CDC14A: variants seen among roughly 807,000 people sequenced by gnomAD.
CDC14A encodes the protein cell division cycle 14A, also known as dual specificity protein phosphatase CDC14A.
In CDC14A, 53 loss-of-function variants were observed where a neutral mutation model predicts 74.4. The ratio of observed to expected loss-of-function variants is 0.71; its 90% CI spans 0.57 to 0.89. The LOEUF (loss-of-function observed/expected upper bound fraction) is 0.89, where lower values mean the gene tolerates loss of function less well. Among genes scored for constraint, CDC14A ranks in the 40% least tolerant of loss-of-function variants. The pLI is 0.00. For synonymous variants in CDC14A, 247 were observed against 258.4 expected, an observed-to-expected ratio of 0.96 and a Z score of 0.43; for missense variants, 646 against 713.7, an observed-to-expected ratio of 0.91 and a Z score of 1.08.
At chr1:100,432,698 A>T (rs901007446) in intron 5 of CDC14A, among the ~76,000 whole-genome samples, 3 of 152,216 alleles carry the variant, frequency 2.0e-5, no homozygotes, top group Non-Finnish European at 2.9e-5. Flanking sequence ...GATATATTGG[A>T]TGAGCAAAAT....
chr1:100,352,374 T>G (rs1570928909), upstream of CDC14A: 12 of 768,932 alleles, frequency 1.6e-5, no homozygotes, highest in South Asian at 4.4e-4. Context: ...GCTGTCCCTT[T>G]AAGGGATGGC....
chr1:100,504,681 G>C lies in CDC14A; in HGVS notation c.1755+5419G>C. 4.8e-6 allele frequency: 3 copies of C among 627,150 alleles called. No individual in the cohort carries two copies. The South Asian group carries it at 6.2e-5, about 13-fold the overall frequency. The allele number at this position is 627,150 out of a possible 1,614,324, so 38.8% of individuals were successfully genotyped here. A position where few individuals can be genotyped will look rare whatever the true frequency, so the allele number is the denominator to read the frequency against. Reference sequence around the variant, plus strand: ...ATTTCCCTGTTCAGAAATGACCAGTGGTCCCTTAGTGCTAGAACATAAATA... The same window carrying C: ...ATTTCCCTGTTCAGAAATGACCAGTCGTCCCTTAGTGCTAGAACATAAATA... On this transcript the variant is annotated intron_variant, in intron 15 of 15. Coordinates refer to ENST00000336454, the MANE Select transcript of CDC14A (RefSeq NM_003672.4).
intron 8 of CDC14A, among the ~76,000 whole-genome samples, chr1:100,456,995 C>T (rs567556394): frequency 1.3e-5 from 2 of 152,230 alleles, no homozygotes; most frequent in Non-Finnish European, 2.9e-5. Context: ...CCTGAGGAAA[C>T]TGCTTTCTGA....
At chr1:100,345,027 C>T (rs1052110961) in exon 1 of CDC14A, 1 of 152,122 alleles carries the variant, frequency 6.6e-6, no homozygotes, top group African/African-American at 2.4e-5. Context: ...TGAGTGAGAG[C>T]AGGGGAATTT....
chr1:100,511,056 ACT>A (rs113941751), intron 15 of CDC14A, among the ~76,000 whole-genome samples: 19 of 152,206 alleles, frequency 1.2e-4, no homozygotes, highest in African/African-American at 3.9e-4. Context: ...AAGAAACTCT[ACT>A]GTTTTCCAAT....
rs1038096637 is a variant in CDC14A, at chr1:100,437,074, T to C, written c.390-2858T>C. On this transcript the variant is annotated intron_variant, in intron 5 of 15. Coordinates refer to ENST00000336454, the MANE Select transcript of CDC14A (RefSeq NM_003672.4). The stretch of plus-strand genomic sequence containing the variant: ...GGTGGCTTGTGCCTGTAGTCCCAGC[T>C]AATTCAGGGGCTGAGGCTGGAGGAT... 5.3e-5 allele frequency among the ~76,000 whole-genome samples: 8 copies of C among 152,220 alleles called. No individual in the cohort carries two copies. In the South Asian group the frequency reaches 8.3e-4, roughly 16 times the overall value.
At chr1:100,377,019 A>G (rs1476161346) in intron 2 of CDC14A, among the ~76,000 whole-genome samples, 2 of 149,172 alleles carry the variant, frequency 1.3e-5, no homozygotes, top group African/African-American at 5.0e-5. Context: ...GGAACTTAAA[A>G]CTGTCCAATT....
Position 100,513,515 on chromosome 1 carries a change from C to T in CDC14A, c.1756-4736C>T, listed in dbSNP as rs562319092. Among the ~76,000 whole-genome samples, 3 of 152,192 alleles carry T rather than the reference C, an allele frequency of 2.0e-5. No individual in the cohort carries two copies. In the South Asian group the frequency reaches 6.2e-4, roughly 32 times the overall value. On this transcript the variant is annotated intron_variant, in intron 15 of 15. Coordinates refer to ENST00000336454, the MANE Select transcript of CDC14A (RefSeq NM_003672.4). ...TGACCTTAGTAGGATGCTAACATTC[C>T]AGGCCATTGGATCCTTTGGTTCAAG... is the stretch of plus-strand genomic sequence containing the variant.
At chr1:100,504,039 A>C (rs1649021007) in intron 15 of CDC14A, among the ~76,000 whole-genome samples, 1 of 152,170 alleles carries the variant, frequency 6.6e-6, no homozygotes, top group Non-Finnish European at 1.5e-5. Context: ...AATCCACTAG[A>C]CTATATGCTT....
chr1:100,424,372 G>A (rs1377262948), intron 5 of CDC14A, 71 bp downstream of exon 5: 7 of 1,027,158 alleles, frequency 6.8e-6, no homozygotes, highest in Admixed American at 1.7e-5. Flanking sequence ...GGGTTGTAGT[G>A]TTTTTTAATT....
intron 5 of CDC14A, among the ~76,000 whole-genome samples, chr1:100,428,756 G>T (rs1306451472): frequency 6.6e-6 from 1 of 152,158 alleles, no homozygotes; most frequent in African/African-American, 2.4e-5. Context: ...ACATTGAAAA[G>T]ATAACCAATC....
chr1:100,412,393 A>G (rs1228513543), intron 4 of CDC14A, among the ~76,000 whole-genome samples: 1 of 151,910 alleles, frequency 6.6e-6, no homozygotes, highest in African/African-American at 2.4e-5. Context: ...TGTTCTTGGT[A>G]TTATCCATGG....
At chr1:100,435,626 C>T (rs146452202) in intron 5 of CDC14A, among the ~76,000 whole-genome samples, 1,929 of 152,052 alleles carry the variant, frequency 0.013, 41 homozygotes, top group African/African-American at 0.044. Context: ...GTCAGGAGTT[C>T]GAGACCAGCC....
chr1:100,393,343 C>T, intron 4 of CDC14A: 1 of 958,524 alleles, frequency 1.0e-6, no homozygotes. Context: ...TTCAGATTCT[C>T]AGTTGTAACT....
At chr1:100,395,848 T>C (rs1658391636) in intron 4 of CDC14A, among the ~76,000 whole-genome samples, 1 of 152,196 alleles carries the variant, frequency 6.6e-6, no homozygotes, top group African/African-American at 2.4e-5. Context: ...CCATGCTTGT[T>C]CCTACCAAAG....
chr1:100,401,469 G>A (rs1236630908), intron 4 of CDC14A, among the ~76,000 whole-genome samples: 1 of 152,118 alleles, frequency 6.6e-6, no homozygotes, highest in Non-Finnish European at 1.5e-5. Context: ...AAAAATAACA[G>A]CAAGAATCAG....
At chr1:100,365,437 G>A (rs1238248826) in intron 2 of CDC14A, among the ~76,000 whole-genome samples, 2 of 152,142 alleles carry the variant, frequency 1.3e-5, no homozygotes, top group African/African-American at 2.4e-5. Context: ...TCTATATAGC[G>A]GCTAGAACTG....
At chr1:100,443,181 A>G in intron 7 of CDC14A, 185 bp downstream of exon 7, 1 of 515,550 alleles carries the variant, frequency 1.9e-6, no homozygotes. Context: ...CCAAAATTTT[A>G]TTTTGGAAAA....
chr1:100,422,705 G>A (rs1662507824), intron 4 of CDC14A, among the ~76,000 whole-genome samples: 2 of 152,120 alleles, frequency 1.3e-5, no homozygotes, highest in African/African-American at 2.4e-5. Context: ...ATAAGCTTTG[G>A]TTGGTGTGTG....
Sources: allele counts gnomAD v4.1 joint callset (sites outside exome capture counted in the v4.1 genomes callset), GRCh38; gene constraint gnomAD v4.1.1; transcripts MANE v1.5; gene names NCBI Gene and HGNC (gene_info 2026-07-23, HGNC 2026-07-21).